CHRM2: variants seen among roughly 807,000 people sequenced by gnomAD.
The protein encoded by CHRM2 is cholinergic receptor muscarinic 2.
CHRM2 carries 8 observed loss-of-function variants against 25.0 expected under a neutral mutation model. The ratio of observed to expected loss-of-function variants is 0.32; its 90% CI spans 0.19 to 0.58. CHRM2 has a LOEUF of 0.58. Ranked by LOEUF, CHRM2 falls within the 20% of genes least tolerant of loss-of-function variation. The pLI is 0.88. For synonymous variants in CHRM2, 202 were observed against 205.7 expected, an observed-to-expected ratio of 0.98 and a Z score of 0.15; for missense variants, 440 against 567.1, an observed-to-expected ratio of 0.78 and a Z score of 2.28.
intron 2 of CHRM2, among the ~76,000 whole-genome samples, chr7:136,930,520 G>A (rs965715355): frequency 2.0e-5 from 3 of 152,062 alleles, no homozygotes; most frequent in African/African-American, 7.2e-5. Context: ...TAAAATTTGA[G>A]AAACCTTTCT....
At chr7:136,906,062 T>C (rs1797521711) in intron 2 of CHRM2, among the ~76,000 whole-genome samples, 1 of 151,234 alleles carries the variant, frequency 6.6e-6, no homozygotes, top group South Asian at 2.1e-4. Flanking sequence ...TTTTGTTACG[T>C]ATAATTTTTT....
intron 2 of CHRM2, among the ~76,000 whole-genome samples, chr7:136,925,402 A>G (rs1798685581): frequency 6.6e-6 from 1 of 152,198 alleles, no homozygotes; most frequent in African/African-American, 2.4e-5. Context: ...GGGGCTCAAT[A>G]AAGTTGTATA....
intron 2 of CHRM2, among the ~76,000 whole-genome samples, chr7:136,951,846 C>T (rs1311502825): frequency 6.6e-6 from 1 of 152,144 alleles, no homozygotes; most frequent in Admixed American, 6.6e-5. Context: ...TACATGCATT[C>T]TTTGCCTTTC....
At chr7:136,900,491 G>A (rs980814074) in intron 2 of CHRM2, among the ~76,000 whole-genome samples, 5 of 152,000 alleles carry the variant, frequency 3.3e-5, no homozygotes, top group Non-Finnish European at 5.9e-5. Flanking sequence ...GCTTACTTCA[G>A]TTTGGTTCTC....
chr7:136,955,199 A>G lies in CHRM2; in HGVS notation c.-124-36988A>G, dbSNP rs560021382. On this transcript the variant is annotated intron_variant, in intron 2 of 3. Transcript: ENST00000680005. The stretch of plus-strand genomic sequence containing the variant: ...CCTCCTTCTTTCTCATGATTTTGAA[A>G]TGCATCCTGACTGCTTCCTTTACTA... 1.4e-4 allele frequency among the ~76,000 whole-genome samples: 22 copies of G among 152,258 alleles called. No individual in the cohort carries two copies. The South Asian group carries it at 3.9e-3, about 27-fold the overall frequency.
intron 3 of CHRM2, among the ~76,000 whole-genome samples, chr7:137,009,018 C>T (rs1804634131): frequency 6.6e-6 from 1 of 152,010 alleles, no homozygotes; most frequent in African/African-American, 2.4e-5. Context: ...AGATAATAGT[C>T]ATTCTTTTCA....
intron 3 of CHRM2, among the ~76,000 whole-genome samples, chr7:136,999,795 G>T (rs944106864): frequency 8.5e-5 from 13 of 152,114 alleles, no homozygotes. Flanking sequence ...TGCTGCCACA[G>T]TCTGCAACCA....
chr7:136,968,888 A>T (rs929530840), intron 2 of CHRM2, among the ~76,000 whole-genome samples: 3 of 151,966 alleles, frequency 2.0e-5, no homozygotes, highest in Non-Finnish European at 2.9e-5. Flanking sequence ...CCCAATATCC[A>T]TGAACATAAA....
chr7:136,889,760 C>T lies in CHRM2; in HGVS notation c.-125+20342C>T, dbSNP rs1461364782. ...GCAATGATTTAGATTCAGATAGAAC[C>T]TCCAACTCTATTCATTTGGTTTGTT... On this transcript the variant is annotated intron_variant, in intron 2 of 3. Transcript: ENST00000680005. 1.4e-4 allele frequency among the ~76,000 whole-genome samples: 22 copies of T among 152,200 alleles called. 1 individual carries two copies. The highest frequency in any genetic ancestry group is 1.4e-3 in the Admixed American group (22 of 15,286).
intron 2 of CHRM2, among the ~76,000 whole-genome samples, chr7:136,991,090 TCATTGTCTTCA>T (rs1230827141): frequency 2.0e-5 from 3 of 152,184 alleles, no homozygotes; most frequent in African/African-American, 7.2e-5. Context: ...GCTTCTTTGC[TCATTGTCTTCA>T]CATTGTCATT....
chr7:136,906,146 ATG>A, intron 2 of CHRM2, among the ~76,000 whole-genome samples: 1 of 150,738 alleles, frequency 6.6e-6, no homozygotes, highest in Admixed American at 6.6e-5. Context: ...GTGTGTATAT[ATG>A]TATACATATA....
At chr7:136,997,125 C>G (rs1803657431) in intron 3 of CHRM2, among the ~76,000 whole-genome samples, 1 of 152,164 alleles carries the variant, frequency 6.6e-6, no homozygotes, top group African/African-American at 2.4e-5. Context: ...GCTCTTCAAT[C>G]CCTTGCCTGG....
rs1411718542 is a variant in CHRM2, at chr7:137,017,193, A to G, written c.*927A>G. The G allele has an allele frequency of 6.6e-6, 1 of 151,978 alleles. No individual in the cohort carries two copies. The highest frequency in any genetic ancestry group is 2.4e-5 in the African/African-American group (1 of 41,418). 9.4% of individuals were successfully genotyped at this position (151,978 alleles called of 1,614,324 possible). On this transcript the variant is annotated 3_prime_UTR_variant, in exon 4 of 4. Transcript: ENST00000680005. ...TAAACCTGTTTAAGAAACCATCGTC[A>G]CTGTAAAGTTGAGGTTTCATCAAAT... is the stretch of plus-strand genomic sequence containing the variant.
rs953309502 is a variant in CHRM2, at chr7:136,904,463, A to G, written c.-125+35045A>G. Among the ~76,000 whole-genome samples the G allele has an allele frequency of 7.2e-5, 11 of 151,870 alleles. 1 individual carries two copies. The highest frequency in any genetic ancestry group is 1.3e-4 in the Non-Finnish European group (9 of 67,912). ...ATTGTGCATATGATTCTGTTAAAAT[A>G]ATTATTCTCCAAATTTATCTTTCCT... is the stretch of plus-strand genomic sequence containing the variant. On this transcript the variant is annotated intron_variant, in intron 2 of 3. Coordinates refer to ENST00000680005, the MANE Select transcript of CHRM2 (RefSeq NM_001006630.2).
At chr7:136,906,515 G>T (rs1055183469) in intron 2 of CHRM2, among the ~76,000 whole-genome samples, 1 of 151,172 alleles carries the variant, frequency 6.6e-6, no homozygotes, top group African/African-American at 2.4e-5. Flanking sequence ...TAAATCATTT[G>T]CCTTATACTG....
intron 3 of CHRM2, among the ~76,000 whole-genome samples, chr7:137,013,484 A>G (rs1804961301): frequency 6.6e-6 from 1 of 151,992 alleles, no homozygotes; most frequent in Non-Finnish European, 1.5e-5. Flanking sequence ...TTAATTTCTC[A>G]GCAATGCTTA....
intron 2 of CHRM2, among the ~76,000 whole-genome samples, chr7:136,910,400 A>C (rs1797778272): frequency 6.6e-6 from 1 of 151,864 alleles, no homozygotes; most frequent in Non-Finnish European, 1.5e-5. Context: ...TGTAGCAATA[A>C]GATGGGTTCT....
rs1805308058 is a variant in CHRM2 at position 137,018,921 on chromosome 7, G to A, written c.*2655G>A. On this transcript the variant is annotated 3_prime_UTR_variant, in exon 4 of 4. Coordinates refer to ENST00000680005, the MANE Select transcript of CHRM2 (RefSeq NM_001006630.2). ...TCTATTTCAGTGGCTCTCAAACAGA[G>A]ACAATTCCCCTCTCCCCGAAAGGGG... 1 of 151,878 alleles carries A rather than the reference G, an allele frequency of 6.6e-6. No homozygotes were observed. Among genetic ancestry groups the A allele is most frequent in the Non-Finnish European group, 1.5e-5 (1 of 67,908 alleles). 9.4% of individuals were successfully genotyped at this position (151,878 alleles called of 1,614,324 possible).
Position 136,994,521 on chromosome 7 carries a change from C to CTTTTTTTTTTTTTTTT in CHRM2, c.-47+2268_-47+2283dup, listed in dbSNP as rs757243972. On this transcript the variant is annotated intron_variant, in intron 3 of 3. Coordinates refer to ENST00000680005, the MANE Select transcript of CHRM2 (RefSeq NM_001006630.2). ...GTGCTTTCTGCTCTTTTTTTCTTTT[C>CTTTTTTTTTTTTTTTT]TTTTTTTTTTTTTTTTTTTTTTTTT... Among the ~76,000 whole-genome samples the CTTTTTTTTTTTTTTTT allele has an allele frequency of 6.0e-4, 43 of 71,346 alleles. 2 individuals carry two copies. Among genetic ancestry groups the CTTTTTTTTTTTTTTTT allele is most frequent in the African/African-American group, 1.1e-3 (20 of 17,606 alleles). 46.8% of individuals were successfully genotyped at this position (71,346 alleles called of 152,430 possible).
Sources: gnomAD v4.1 joint callset for allele counts (sites outside exome capture counted in the v4.1 genomes callset) on GRCh38, gnomAD v4.1.1 for gene constraint, MANE v1.5 for transcripts, NCBI Gene and HGNC (gene_info 2026-07-23, HGNC 2026-07-21) for gene names.